Variants in RASA3 observed in about 807,000 individuals in gnomAD.
RASA3 encodes RAS p21 protein activator 3.
RASA3 carries 73 observed loss-of-function variants against 110.0 expected under a neutral mutation model. The observed-to-expected ratio is 0.66, with a 90% CI of 0.55 to 0.81. The LOEUF (loss-of-function observed/expected upper bound fraction) is 0.81. Among genes scored for constraint, RASA3 ranks in the 30% least tolerant of loss-of-function variants. RASA3 has a pLI of 0.00. For synonymous variants in RASA3, 500 were observed against 451.4 expected (o/e 1.11, Z -1.37); for missense variants, 976 against 1,113.2 (o/e 0.88, Z 1.75).
chr13:114,063,639 C>T (rs2079399120), intron 2 of RASA3, among the ~76,000 whole-genome samples: 1 of 152,212 alleles, frequency 6.6e-6, no homozygotes, highest in South Asian at 2.1e-4. Context: ...AGTGCCAGGT[C>T]CCCCTGCCAT....
chr13:114,131,633 G>C (rs1045599231), intron 1 of RASA3, among the ~76,000 whole-genome samples: 6 of 152,224 alleles, frequency 3.9e-5, no homozygotes, highest in Non-Finnish European at 8.8e-5. Flanking sequence ...ACTTCTCAGT[G>C]GAAAGGGACG....
intron 1 of RASA3, among the ~76,000 whole-genome samples, chr13:114,078,385 G>A (rs533221423): frequency 1.3e-5 from 2 of 152,110 alleles, no homozygotes; most frequent in South Asian, 4.1e-4. Context: ...GTGGTATACA[G>A]TAAGTACCTA....
chr13:114,110,455 G>T (rs771742451), intron 1 of RASA3, among the ~76,000 whole-genome samples: 1 of 152,206 alleles, frequency 6.6e-6, no homozygotes, highest in African/African-American at 2.4e-5. Flanking sequence ...CTCACTGGAC[G>T]GCACCGTGCC....
At chr13:114,043,888 G>A (rs2078991992) in intron 3 of RASA3, among the ~76,000 whole-genome samples, 1 of 10,262 alleles carries the variant, frequency 9.7e-5, no homozygotes, top group African/African-American at 1.3e-3. Flanking sequence ...CTCACTCGCT[G>A]AGCCCCCCCG....
At chr13:114,068,414 T>C (rs1294831601) in intron 2 of RASA3, among the ~76,000 whole-genome samples, 1 of 152,222 alleles carries the variant, frequency 6.6e-6, no homozygotes, top group Non-Finnish European at 1.5e-5. Flanking sequence ...TTCCACGTCC[T>C]TACGTGGATG....
At position 114,060,163 on chromosome 13, in the gene RASA3, C is replaced by T. The variant is rs1425928793; in HGVS notation, c.174-8008G>A. 2.6e-5 allele frequency among the ~76,000 whole-genome samples: 4 copies of T among 152,320 alleles called. No homozygotes were observed. In the East Asian group the frequency reaches 5.8e-4, roughly 22 times the overall value. ...CAGCAGGGCTTGTGTGTGGTAAAGACGTAGGAGCAAGGAGAAGGCTGACGT... is the reference window on the plus strand; with the variant it reads ...CAGCAGGGCTTGTGTGTGGTAAAGATGTAGGAGCAAGGAGAAGGCTGACGT... On this transcript the variant is annotated intron_variant, in intron 2 of 23. Transcript: ENST00000334062.
At chr13:113,990,692 A>T (rs1213158052) in intron 22 of RASA3, among the ~76,000 whole-genome samples, 2 of 152,144 alleles carry the variant, frequency 1.3e-5, no homozygotes, top group Non-Finnish European at 2.9e-5. Flanking sequence ...GTGGCCCATG[A>T]GTGTGTACAT....
rs759476901 is a variant in RASA3, at chr13:113,978,084, C to T, written c.*1263G>A. Reference sequence around the variant, plus strand: ...GTATTTAAACGGCGCTTCCCACACACCTGCCGTCTGCATCCCGGGAGGACG... The same window carrying T: ...GTATTTAAACGGCGCTTCCCACACATCTGCCGTCTGCATCCCGGGAGGACG... On this transcript the variant is annotated 3_prime_UTR_variant, in exon 24 of 24. Transcript: ENST00000334062. 1 of 152,224 alleles carries T rather than the reference C, an allele frequency of 6.6e-6. No homozygotes were observed. The highest frequency in any genetic ancestry group is 1.5e-5 in the Non-Finnish European group (1 of 68,038). The allele number at this position is 152,224 out of a possible 1,614,324, so 9.4% of individuals were successfully genotyped here. A position where few individuals can be genotyped will look rare whatever the true frequency, so the allele number is the denominator to read the frequency against.
chr13:113,983,519 AG>A (rs1284281279), intron 22 of RASA3, among the ~76,000 whole-genome samples: 1 of 100,788 alleles, frequency 9.9e-6, no homozygotes, highest in African/African-American at 3.2e-5. Context: ...CAGAACTCAA[AG>A]GCTGGTTGAG....
chr13:113,999,735 AGGGGTCTCTGCCGGGGGGTCTCCCAG>A (rs1594295289), intron 19 of RASA3, 68 bp from the exon 20 acceptor site: 1 of 1,081,870 alleles, frequency 9.2e-7, no homozygotes, highest in East Asian at 4.2e-5. Flanking sequence ...GGTGGGGCTG[AGGGGTCTCTGCCGGGGGGTCTCCCAG>A]GGGGTCTTTA....
chr13:113,979,462 CG>C, intron 23 of RASA3, 40 bp from the exon 24 acceptor site: 1 of 1,499,994 alleles, frequency 6.7e-7, no homozygotes, highest in Non-Finnish European at 9.3e-7. Flanking sequence ...GCACAGACCC[CG>C]TTGCCTGGTG....
chr13:114,060,490 A>G (rs2079320167), intron 2 of RASA3, among the ~76,000 whole-genome samples: 1 of 152,346 alleles, frequency 6.6e-6, no homozygotes, highest in South Asian at 2.1e-4. Flanking sequence ...GGTCAGCCCG[A>G]GAGGCCACGG....
chr13:114,114,420 C>T lies in RASA3; in HGVS notation c.55+18015G>A, dbSNP rs1380019857. Among the ~76,000 whole-genome samples, 1 of 152,156 alleles carries T rather than the reference C, an allele frequency of 6.6e-6. No homozygotes were observed. The highest frequency in any genetic ancestry group is 2.4e-5 in the African/African-American group (1 of 41,428). The stretch of plus-strand genomic sequence containing the variant: ...GCAGAGGGGTGAAGGAACGGGGACA[C>T]GGATGGATGGAGGGAGATGAACTAA... On this transcript the variant is annotated intron_variant, in intron 1 of 23. Coordinates refer to ENST00000334062, the MANE Select transcript of RASA3 (RefSeq NM_007368.4). The surrounding 1 kb of genome is among the most constrained non-coding windows in gnomAD (Gnocchi z 4.8).
Position 114,005,179 on chromosome 13 carries a change from C to T in RASA3, c.1742+2354G>A, listed in dbSNP as rs140681578. 8.5e-3 allele frequency among the ~76,000 whole-genome samples: 1,295 copies of T among 152,280 alleles called. 23 individuals are homozygous for T. The highest frequency in any genetic ancestry group is 0.029 in the African/African-American group (1,219 of 41,558). ...AAATTACTCAGTGGGCACAAAGTGC[C>T]CGTTCAGGTGACGGTTTCACGAGAA... On this transcript the variant is annotated intron_variant, in intron 18 of 23. Transcript: ENST00000334062.
chr13:114,100,263 G>A (rs2080039386), intron 1 of RASA3, among the ~76,000 whole-genome samples: 1 of 151,972 alleles, frequency 6.6e-6, no homozygotes, highest in Non-Finnish European at 1.5e-5. Flanking sequence ...GCCAGCACCA[G>A]CGGCTGCCCC....
At chr13:114,078,751 G>C (rs146029697) in intron 1 of RASA3, among the ~76,000 whole-genome samples, 1 of 152,342 alleles carries the variant, frequency 6.6e-6, no homozygotes, top group Non-Finnish European at 1.5e-5. Context: ...AGCCCTTCTG[G>C]GCCATGGAGG....
At chr13:114,082,621 C>G (rs143011304) in intron 1 of RASA3, among the ~76,000 whole-genome samples, 5 of 152,322 alleles carry the variant, frequency 3.3e-5, no homozygotes, top group African/African-American at 1.2e-4. Context: ...CTCCCAGCTG[C>G]GTCCCGTCTG....
chr13:114,132,202 A>C (rs2139813296), intron 1 of RASA3, among the ~76,000 whole-genome samples: 1 of 152,186 alleles, frequency 6.6e-6, no homozygotes, highest in South Asian at 2.1e-4. Flanking sequence ...GGCGCAGAGG[A>C]GGCGCAGGGA....
intron 23 of RASA3, among the ~76,000 whole-genome samples, chr13:113,980,715 G>T (rs2052914295): frequency 6.6e-6 from 1 of 152,246 alleles, no homozygotes; most frequent in Non-Finnish European, 1.5e-5. Flanking sequence ...CACTCAGGAG[G>T]TGTTGCAGGC....
Sources: gnomAD v4.1 joint callset for allele counts (sites outside exome capture counted in the v4.1 genomes callset) on GRCh38, gnomAD v4.1.1 for gene constraint, Gnocchi (gnomAD v3.1) non-coding constraint, MANE v1.5 for transcripts, NCBI Gene and HGNC (gene_info 2026-07-23, HGNC 2026-07-21) for gene names.